The following KIAA1217 variants were observed in gnomAD, a reference collection of about 807,000 sequenced individuals.
KIAA1217 encodes sickle tail protein homolog.
In KIAA1217, 88 loss-of-function variants were observed where a neutral mutation model predicts 163.9. The ratio of observed to expected loss-of-function variants is 0.54; its 90% CI spans 0.45 to 0.64. The LOEUF (loss-of-function observed/expected upper bound fraction) is 0.64. Ranked by LOEUF, KIAA1217 falls within the 30% of genes least tolerant of loss-of-function variation. The pLI is 0.00. For synonymous variants in KIAA1217, 903 were observed against 923.1 expected (o/e 0.98, Z 0.39); for missense variants, 2,372 against 2,475.0 (o/e 0.96, Z 0.88).
intron 1 of KIAA1217, among the ~76,000 whole-genome samples, chr10:23,839,579 T>G (rs752749553): frequency 2.0e-5 from 3 of 152,174 alleles, no homozygotes; most frequent in Non-Finnish European, 4.4e-5. Context: ...GGTGGTCATT[T>G]ATATACAGCA....
chr10:23,786,498 T>C (rs1025875039), intron 1 of KIAA1217, among the ~76,000 whole-genome samples: 1 of 150,828 alleles, frequency 6.6e-6, no homozygotes, highest in Non-Finnish European at 1.5e-5. Flanking sequence ...AAATACCATT[T>C]CTACCTCTCC....
At position 23,766,257 on chromosome 10, in the gene KIAA1217, C is replaced by T. The variant is rs934749245; in HGVS notation, c.-321+71023C>T. On this transcript the variant is annotated intron_variant, in intron 1 of 18. Coordinates refer to the KIAA1217 transcript ENST00000376462. Reference sequence around the variant, plus strand: ...CACTAGTGGCATGGTAGAGTGGATACAGCAAAAATTGATTTTTGTTTTTGT... The same window carrying T: ...CACTAGTGGCATGGTAGAGTGGATATAGCAAAAATTGATTTTTGTTTTTGT... Among the ~76,000 whole-genome samples, 3 of 151,696 alleles carry T rather than the reference C, an allele frequency of 2.0e-5. No individual in the cohort carries two copies. In the East Asian group the frequency reaches 5.8e-4, roughly 29 times the overall value.
intron 6 of KIAA1217, among the ~76,000 whole-genome samples, chr10:24,489,521 A>G (rs1335287589): frequency 6.6e-6 from 1 of 151,950 alleles, no homozygotes; most frequent in African/African-American, 2.4e-5. Context: ...CACTTTGGTC[A>G]GTACAAAGTC....
intron 1 of KIAA1217, among the ~76,000 whole-genome samples, chr10:23,933,731 A>G (rs973191386): frequency 6.6e-6 from 1 of 152,230 alleles, no homozygotes; most frequent in African/African-American, 2.4e-5. Context: ...GGCAAAGGAT[A>G]TGAACTGACA....
intron 1 of KIAA1217, among the ~76,000 whole-genome samples, chr10:23,716,005 C>T (rs995540349): frequency 7.9e-5 from 12 of 152,098 alleles, no homozygotes; most frequent in African/African-American, 2.9e-4. Flanking sequence ...AATTGAGGCA[C>T]AAATGATACA....
intron 3 of KIAA1217, among the ~76,000 whole-genome samples, chr10:24,394,526 A>G (rs550065920): frequency 6.6e-6 from 1 of 152,236 alleles, no homozygotes; most frequent in East Asian, 1.9e-4. Flanking sequence ...AGGTGCCATG[A>G]TGAGTTATTT....
intron 3 of KIAA1217, among the ~76,000 whole-genome samples, chr10:24,405,914 A>G (rs1465015647): frequency 6.6e-6 from 1 of 152,222 alleles, no homozygotes; most frequent in Non-Finnish European, 1.5e-5. Context: ...GGAATGCTGC[A>G]GTGTTTTGAA....
At chr10:23,853,046 C>G (rs1240801309) in intron 1 of KIAA1217, among the ~76,000 whole-genome samples, 4 of 152,196 alleles carry the variant, frequency 2.6e-5, no homozygotes, top group Non-Finnish European at 4.4e-5. Flanking sequence ...ACTTCCAACA[C>G]TATGTTGACT....
At chr10:24,153,955 A>T (rs2064747498) in intron 2 of KIAA1217, among the ~76,000 whole-genome samples, 1 of 150,414 alleles carries the variant, frequency 6.6e-6, no homozygotes, top group South Asian at 2.1e-4. Flanking sequence ...CTCTACAAAA[A>T]ATATTTTTTT....
chr10:24,442,199 C>T (rs2060553132), intron 5 of KIAA1217, among the ~76,000 whole-genome samples: 1 of 152,146 alleles, frequency 6.6e-6, no homozygotes, highest in African/African-American at 2.4e-5. Context: ...GTATTTGACA[C>T]CAGTGAATGG....
At chr10:23,985,496 G>T (rs558659011) in intron 1 of KIAA1217, among the ~76,000 whole-genome samples, 1 of 152,232 alleles carries the variant, frequency 6.6e-6, no homozygotes, top group South Asian at 2.1e-4. Context: ...TTACCAAATG[G>T]CTTGACAATT....
At chr10:24,180,262 C>T (rs769970946) in intron 2 of KIAA1217, among the ~76,000 whole-genome samples, 6 of 147,880 alleles carry the variant, frequency 4.1e-5, no homozygotes, top group Non-Finnish European at 5.9e-5. Flanking sequence ...CCAGCTATAT[C>T]CTCAACTCCT....
intron 2 of KIAA1217, among the ~76,000 whole-genome samples, chr10:24,018,113 G>A (rs1192670430): frequency 6.6e-6 from 1 of 151,888 alleles, no homozygotes; most frequent in Non-Finnish European, 1.5e-5. Context: ...CTGGAAGAAT[G>A]CACCTTAAAC....
At chr10:24,010,185 A>C (rs193081073) in intron 2 of KIAA1217, among the ~76,000 whole-genome samples, 3 of 151,800 alleles carry the variant, frequency 2.0e-5, no homozygotes, top group Non-Finnish European at 4.4e-5. Context: ...AACGCTTTTT[A>C]AAAAAAATGA....
At chr10:23,979,179 G>A (rs1283463618) in intron 1 of KIAA1217, among the ~76,000 whole-genome samples, 5 of 152,208 alleles carry the variant, frequency 3.3e-5, no homozygotes, top group African/African-American at 1.2e-4. Flanking sequence ...AATAGAAGAA[G>A]AGGAATTAAA....
At chr10:24,358,136 C>T (rs1184903446) in intron 2 of KIAA1217, among the ~76,000 whole-genome samples, 1 of 152,102 alleles carries the variant, frequency 6.6e-6, no homozygotes, top group African/African-American at 2.4e-5. Flanking sequence ...TGAAGATATT[C>T]ATGCCTTTGT....
intron 2 of KIAA1217, among the ~76,000 whole-genome samples, chr10:24,308,919 T>G (rs972048991): frequency 6.6e-6 from 1 of 152,026 alleles, no homozygotes; most frequent in African/African-American, 2.4e-5. Flanking sequence ...GGTGAGGAGT[T>G]TGAGACCAGC....
intron 2 of KIAA1217, among the ~76,000 whole-genome samples, chr10:24,046,270 G>T (rs2131570168): frequency 6.6e-6 from 1 of 152,052 alleles, no homozygotes; most frequent in East Asian, 1.9e-4. Context: ...CCTCTATTGG[G>T]CTCTTCCTAT....
chr10:23,698,884 A>G (rs1467746406), intron 1 of KIAA1217, among the ~76,000 whole-genome samples: 4 of 152,046 alleles, frequency 2.6e-5, no homozygotes, highest in African/African-American at 9.7e-5. Flanking sequence ...TCCTGGGCTC[A>G]AGCAATCCTC....
Sources: allele counts gnomAD v4.1 joint callset (sites outside exome capture counted in the v4.1 genomes callset), GRCh38; gene constraint gnomAD v4.1.1; transcripts MANE v1.5; gene names NCBI Gene and HGNC (gene_info 2026-07-23, HGNC 2026-07-21).